The following SULT1B1 variants were observed in gnomAD, a reference collection of about 807,000 sequenced individuals.
The protein encoded by SULT1B1 is sulfotransferase 1B1.
Under a neutral mutation model 34.6 loss-of-function variants are expected in SULT1B1, and 28 were observed. That is an observed-to-expected ratio of 0.81 (90% CI 0.60 to 1.11). The LOEUF is 1.11. SULT1B1 is among the 50% of genes least tolerant of loss of function. SULT1B1 has a pLI of 0.00. For synonymous variants in SULT1B1, 147 were observed against 110.2 expected (o/e 1.33, Z -2.09); for missense variants, 374 against 352.2 (o/e 1.06, Z -0.50).
intron 4 of SULT1B1, among the ~76,000 whole-genome samples, chr4:69,748,235 T>C (rs2110028051): frequency 6.6e-6 from 1 of 152,182 alleles, no homozygotes; most frequent in African/African-American, 2.4e-5. Flanking sequence ...GGAGTGGCTA[T>C]ATCAATACAA....
chr4:69,754,435 T>A (rs1719109037), intron 3 of SULT1B1, among the ~76,000 whole-genome samples: 1 of 152,192 alleles, frequency 6.6e-6, no homozygotes, highest in Non-Finnish European at 1.5e-5. Context: ...GTTTATTTTA[T>A]CAATCAAATT....
At chr4:69,747,813 G>T (rs908306573) in intron 4 of SULT1B1, among the ~76,000 whole-genome samples, 1 of 152,092 alleles carries the variant, frequency 6.6e-6, no homozygotes, top group Non-Finnish European at 1.5e-5. Context: ...CCTTCTCTAG[G>T]AGCTGTGCGG....
At chr4:69,750,161 T>G (rs1421593211) in intron 3 of SULT1B1, among the ~76,000 whole-genome samples, 1 of 152,174 alleles carries the variant, frequency 6.6e-6, no homozygotes, top group Admixed American at 6.5e-5. Context: ...ATTATACCTG[T>G]GCATTGCTAT....
At chr4:69,727,818 T>C (rs1393158862) in intron 7 of SULT1B1, among the ~76,000 whole-genome samples, 1 of 151,988 alleles carries the variant, frequency 6.6e-6, no homozygotes, top group Non-Finnish European at 1.5e-5. Flanking sequence ...AAGTAAATCT[T>C]TGAGGATAAA....
intron 4 of SULT1B1, among the ~76,000 whole-genome samples, chr4:69,737,187 T>C (rs1225982848): frequency 6.6e-6 from 1 of 151,978 alleles, no homozygotes; most frequent in African/African-American, 2.4e-5. Context: ...CAAAGGGAAA[T>C]AGCACAATAG....
chr4:69,721,262 C>CAT lies in SULT1B1; in HGVS notation c.*5824_*5825dup, dbSNP rs540623805. 1.1e-4 allele frequency: 16 copies of CAT among 152,068 alleles called. No individual in the cohort carries two copies. The highest frequency in any genetic ancestry group is 4.2e-4 in the South Asian group (2 of 4,810). 9.4% of individuals were successfully genotyped at this position (152,068 alleles called of 1,614,324 possible). The stretch of plus-strand genomic sequence containing the variant: ...ATGTCTCGATAATGTGGAAATTTTA[C>CAT]ATATATATATAAAACAGTTCTAATG... On this transcript the variant is annotated 3_prime_UTR_variant, in exon 8 of 8. Transcript: ENST00000310613.
chr4:69,737,362 C>T (rs77202005), intron 4 of SULT1B1, among the ~76,000 whole-genome samples: 1 of 151,862 alleles, frequency 6.6e-6, no homozygotes, highest in East Asian at 1.9e-4. Flanking sequence ...GTTCTCCAAA[C>T]AGAAAGAAAA....
Position 69,727,192 on chromosome 4 carries a change from C to G in SULT1B1, c.787G>C (p.Gly263Arg), listed in dbSNP as rs1281182154. The change falls in exon 8 of 8, where the codon GGT (glycine) becomes CGT (arginine). Residue 263 changes from glycine to arginine, a missense_variant. Physicochemically the swap from Gly to Arg is moderately radical, Grantham distance 125. Coordinates refer to ENST00000310613, the MANE Select transcript of SULT1B1 (RefSeq NM_014465.4). ...KSPFMRKGTA[G>R]DWKNYFTVAQ... is the part of the protein sequence containing the mutation. ...ACGGTGAAGTAATTCTTCCAGTCAC[C>G]AGCCGTCCCTAAAGGTAAATAAAAA... is the stretch of plus-strand genomic sequence containing the variant. 6 of 1,609,352 alleles carry G rather than the reference C, an allele frequency of 3.7e-6. No homozygotes were observed. The highest frequency in any genetic ancestry group is 5.1e-6 in the Non-Finnish European group (6 of 1,177,892).
intron 4 of SULT1B1, among the ~76,000 whole-genome samples, chr4:69,736,973 T>C (rs1364381156): frequency 6.6e-6 from 1 of 151,826 alleles, no homozygotes; most frequent in Admixed American, 6.6e-5. Flanking sequence ...CCCATAAGTG[T>C]TGAAATAAAT....
chr4:69,751,777 T>C (rs1718993380), intron 3 of SULT1B1, among the ~76,000 whole-genome samples: 2 of 152,192 alleles, frequency 1.3e-5, no homozygotes, highest in Admixed American at 6.5e-5. Flanking sequence ...TGCTGCAGTT[T>C]ACCCTCATCT....
chr4:69,744,900 T>C (rs1386193475), intron 4 of SULT1B1, among the ~76,000 whole-genome samples: 1 of 152,198 alleles, frequency 6.6e-6, no homozygotes, highest in Non-Finnish European at 1.5e-5. Context: ...TAGCTATGTC[T>C]CAAAGATTCT....
At chr4:69,741,248 G>T (rs1027877419) in intron 4 of SULT1B1, among the ~76,000 whole-genome samples, 1 of 152,120 alleles carries the variant, frequency 6.6e-6, no homozygotes, top group Non-Finnish European at 1.5e-5. Flanking sequence ...TGGTATATGT[G>T]TCTGTTTTTG....
At chr4:69,747,261 G>A (rs956826798) in intron 4 of SULT1B1, among the ~76,000 whole-genome samples, 1 of 152,228 alleles carries the variant, frequency 6.6e-6, no homozygotes, top group African/African-American at 2.4e-5. Context: ...AGCAGGGGTA[G>A]GCTGCAGGTT....
chr4:69,744,447 C>T (rs1718673958), intron 4 of SULT1B1, among the ~76,000 whole-genome samples: 1 of 152,204 alleles, frequency 6.6e-6, no homozygotes, highest in East Asian at 1.9e-4. Flanking sequence ...GCCGCCTTTG[C>T]TGTTCCTGCA....
intron 3 of SULT1B1, among the ~76,000 whole-genome samples, chr4:69,752,243 A>G (rs1214765447): frequency 6.6e-6 from 1 of 151,984 alleles, no homozygotes; most frequent in African/African-American, 2.4e-5. Context: ...TTTCTTTTTT[A>G]AATTTGTTTA....
At position 69,733,480 on chromosome 4, in the gene SULT1B1, AC is replaced by A; in HGVS notation, c.529del (p.Val177LeufsTer21). 1 of 1,608,282 alleles carries A rather than the reference AC, an allele frequency of 6.2e-7. No homozygotes were observed. Among genetic ancestry groups the A allele is most frequent in the Non-Finnish European group, 8.5e-7 (1 of 1,177,898 alleles). On this transcript the variant is annotated frameshift_variant, in exon 6 of 8. Coordinates refer to ENST00000310613, the MANE Select transcript of SULT1B1 (RefSeq NM_014465.4). LOFTEE classifies it high-confidence loss of function. ...TTCCTTTTTCTTCCACCAGTTTTTA[AC>A]ATGAGTAAACCAGGAACCATAGGCC... ...KVAYGSWFTH[V>X]KNWWKKKEEH...
chr4:69,729,792 C>T (rs1369821089), intron 7 of SULT1B1, among the ~76,000 whole-genome samples: 7 of 152,146 alleles, frequency 4.6e-5, no homozygotes, highest in African/African-American at 1.7e-4. Context: ...ATATTGAAAA[C>T]AGATCGTGGC....
At chr4:69,735,428 TGTAGGTGAGCTAACTCACTGCCAGTA>T (rs1298487790) in intron 4 of SULT1B1, among the ~76,000 whole-genome samples, 1 of 152,224 alleles carries the variant, frequency 6.6e-6, no homozygotes, top group African/African-American at 2.4e-5. Flanking sequence ...CCCGGGTCTC[TGTAGGTGAGCTAACTCACTGCCAGTA>T]ATGGCAATGA....
At chr4:69,734,943 G>A (rs957704469) in intron 4 of SULT1B1, among the ~76,000 whole-genome samples, 16 of 150,602 alleles carry the variant, frequency 1.1e-4, no homozygotes, top group African/African-American at 3.4e-4. Context: ...CTCAGCCTCC[G>A]GAGTAGCTGT....
Sources: gnomAD v4.1 joint callset for allele counts (sites outside exome capture counted in the v4.1 genomes callset) on GRCh38, gnomAD v4.1.1 for gene constraint, MANE v1.5 for transcripts, NCBI Gene and HGNC (gene_info 2026-07-23, HGNC 2026-07-21) for gene names.